Variants in SLC44A5 observed in about 807,000 individuals in gnomAD.
The protein encoded by SLC44A5 is choline transporter-like protein 5.
In SLC44A5, 57 loss-of-function variants were observed where a neutral mutation model predicts 101.8. That is an observed-to-expected ratio of 0.56 (90% CI 0.45 to 0.70). SLC44A5 has a LOEUF of 0.70. Among genes scored for constraint, SLC44A5 ranks in the 30% least tolerant of loss-of-function variants. The pLI, the probability that SLC44A5 is intolerant of heterozygous loss-of-function variation, is 0.00. For synonymous variants in SLC44A5, 281 were observed against 290.9 expected, an observed-to-expected ratio of 0.97 and a Z score of 0.35; for missense variants, 737 against 853.1, an observed-to-expected ratio of 0.86 and a Z score of 1.70.
At chr1:75,243,389 A>C (rs974838246) in intron 7 of SLC44A5, among the ~76,000 whole-genome samples, 1 of 151,916 alleles carries the variant, frequency 6.6e-6, no homozygotes, top group Non-Finnish European at 1.5e-5. Flanking sequence ...CACCCATCTC[A>C]GCCTCCCAAA....
chr1:75,572,586 T>C (rs1169815667), intron 1 of SLC44A5, among the ~76,000 whole-genome samples: 1 of 152,136 alleles, frequency 6.6e-6, no homozygotes, highest in Non-Finnish European at 1.5e-5. Context: ...CTTAGAACAC[T>C]GAGAAGTACC....
At chr1:75,663,081 A>G in the SLC44A5 span, among the ~76,000 whole-genome samples, 1 of 152,292 alleles carries the variant, frequency 6.6e-6, no homozygotes, top group Non-Finnish European at 1.5e-5. Flanking sequence ...CTCAAGCTTT[A>G]GAAGCCAAAA....
At chr1:75,653,484 A>AT in the SLC44A5 span, among the ~76,000 whole-genome samples, 111 of 152,324 alleles carry the variant, frequency 7.3e-4, no homozygotes, top group Non-Finnish European at 1.2e-3. Flanking sequence ...AAACTAAAAA[A>AT]GAAAAAGAAA....
intron 6 of SLC44A5, among the ~76,000 whole-genome samples, chr1:75,263,100 C>G (rs545011997): frequency 6.6e-6 from 1 of 152,032 alleles, no homozygotes; most frequent in Non-Finnish European, 1.5e-5. Flanking sequence ...AACATGAAAG[C>G]AATGGCAACA....
At chr1:75,360,511 ATTC>A (rs1659410063) in intron 3 of SLC44A5, among the ~76,000 whole-genome samples, 1 of 152,066 alleles carries the variant, frequency 6.6e-6, no homozygotes, top group Non-Finnish European at 1.5e-5. Context: ...ATTCAATTTA[ATTC>A]TTCTACATTT....
the SLC44A5 span, among the ~76,000 whole-genome samples, chr1:75,675,680 C>CA: frequency 1.3e-5 from 2 of 152,106 alleles, no homozygotes; most frequent in Non-Finnish European, 2.9e-5. Flanking sequence ...GAAGCAACTG[C>CA]AACAAAAGCA....
At chr1:75,364,621 G>A (rs556846060) in intron 3 of SLC44A5, among the ~76,000 whole-genome samples, 1 of 152,110 alleles carries the variant, frequency 6.6e-6, no homozygotes, top group Non-Finnish European at 1.5e-5. Flanking sequence ...GGATGGTGGT[G>A]TTTTCCCAAG....
chr1:75,346,365 T>C (rs1030519081), intron 3 of SLC44A5, among the ~76,000 whole-genome samples: 1 of 152,172 alleles, frequency 6.6e-6, no homozygotes, highest in Non-Finnish European at 1.5e-5. Context: ...ATTTGCTCTA[T>C]ATGAACACAA....
the SLC44A5 span, among the ~76,000 whole-genome samples, chr1:75,676,938 T>A: frequency 1.3e-5 from 2 of 152,262 alleles, no homozygotes; most frequent in East Asian, 3.9e-4. Context: ...GTGTAAACCT[T>A]ACAGGCCAGG....
At chr1:75,420,612 C>A (rs1187281848) in intron 2 of SLC44A5, among the ~76,000 whole-genome samples, 1 of 152,104 alleles carries the variant, frequency 6.6e-6, no homozygotes, top group Non-Finnish European at 1.5e-5. Context: ...AATATAAATT[C>A]CTCAATTTCT....
At chr1:75,696,522 G>A in the SLC44A5 span, among the ~76,000 whole-genome samples, 2 of 152,154 alleles carry the variant, frequency 1.3e-5, no homozygotes, top group Admixed American at 1.3e-4. Flanking sequence ...AATAAATATT[G>A]AGGATTGGAG....
chr1:75,256,944 G>A (rs1158631671), intron 6 of SLC44A5, among the ~76,000 whole-genome samples: 1 of 152,016 alleles, frequency 6.6e-6, no homozygotes, highest in Non-Finnish European at 1.5e-5. Flanking sequence ...GACTGTCAGT[G>A]GATATTATCT....
At chr1:75,447,189 C>A (rs1245267901) in intron 2 of SLC44A5, among the ~76,000 whole-genome samples, 7 of 152,044 alleles carry the variant, frequency 4.6e-5, no homozygotes, top group Admixed American at 3.9e-4. Flanking sequence ...AAAGAATTAT[C>A]TATGAATAAG....
chr1:75,235,570 A>C (rs1433287298), intron 11 of SLC44A5, among the ~76,000 whole-genome samples: 2 of 152,022 alleles, frequency 1.3e-5, no homozygotes, highest in Non-Finnish European at 2.9e-5. Context: ...GATAAATCCT[A>C]ACATACTAAC....
chr1:75,237,541 TACA>T (rs1324325395), intron 10 of SLC44A5, among the ~76,000 whole-genome samples: 3 of 152,088 alleles, frequency 2.0e-5, no homozygotes, highest in African/African-American at 7.2e-5. Context: ...TTTATGTAAC[TACA>T]ACATTGTCAA....
chr1:75,610,683 G>C (rs879653669), intron 1 of SLC44A5, among the ~76,000 whole-genome samples: 5 of 152,082 alleles, frequency 3.3e-5, no homozygotes, highest in African/African-American at 9.7e-5. Flanking sequence ...GATTCCTAGA[G>C]ATGTTATCAA....
At chr1:75,311,353 G>T (rs1034328052) in intron 4 of SLC44A5, among the ~76,000 whole-genome samples, 1 of 152,164 alleles carries the variant, frequency 6.6e-6, no homozygotes, top group Non-Finnish European at 1.5e-5. Flanking sequence ...CTGACTTCAG[G>T]TGATCTGCTG....
intron 3 of SLC44A5, among the ~76,000 whole-genome samples, chr1:75,395,168 G>A (rs551107795): frequency 6.6e-6 from 1 of 152,116 alleles, no homozygotes; most frequent in East Asian, 1.9e-4. Flanking sequence ...AAAGATGAGG[G>A]CTTTATTTTA....
At chr1:75,376,263 G>C (rs1490728948) in intron 3 of SLC44A5, among the ~76,000 whole-genome samples, 2 of 152,260 alleles carry the variant, frequency 1.3e-5, no homozygotes, top group African/African-American at 2.4e-5. Context: ...CTGGGGGAGG[G>C]GCGCCCGCCA....
Sources: gnomAD v4.1 joint callset for allele counts (sites outside exome capture counted in the v4.1 genomes callset) on GRCh38, gnomAD v4.1.1 for gene constraint, MANE v1.5 for transcripts, NCBI Gene and HGNC (gene_info 2026-07-23, HGNC 2026-07-21) for gene names.